CCDC178: variants seen among roughly 807,000 people sequenced by gnomAD.
CCDC178 encodes the protein coiled-coil domain-containing protein 178.
CCDC178 carries 126 observed loss-of-function variants against 117.4 expected under a neutral mutation model. The observed-to-expected ratio is 1.07, with a 90% CI of 0.93 to 1.24. The LOEUF (loss-of-function observed/expected upper bound fraction) is 1.24, where lower values mean the gene tolerates loss of function less well. Among genes scored for constraint, CCDC178 ranks in the 50% most tolerant of loss-of-function variants. The pLI, the probability that CCDC178 is intolerant of heterozygous loss-of-function variation, is 0.00. For synonymous variants in CCDC178, 283 were observed against 313.4 expected (o/e 0.90, Z 1.02); for missense variants, 1,030 against 986.9 (o/e 1.04, Z -0.59).
chr18:32,939,215 T>C (rs905970690), intron 22 of CCDC178, among the ~76,000 whole-genome samples: 5 of 152,230 alleles, frequency 3.3e-5, no homozygotes, highest in African/African-American at 1.2e-4. Context: ...CCAACTGAAA[T>C]ATTTGATATG....
At chr18:33,222,758 T>C (rs2059251963) in intron 18 of CCDC178, among the ~76,000 whole-genome samples, 1 of 152,242 alleles carries the variant, frequency 6.6e-6, no homozygotes, top group Non-Finnish European at 1.5e-5. Flanking sequence ...TCTTTTCTTC[T>C]TCTTCATTTT....
At chr18:33,036,305 T>G (rs1300761484) in intron 21 of CCDC178, among the ~76,000 whole-genome samples, 12 of 151,844 alleles carry the variant, frequency 7.9e-5, no homozygotes, top group Admixed American at 7.9e-4. Context: ...AATCTATTTA[T>G]TATATATTTA....
chr18:33,268,819 G>T (rs1036648142), intron 12 of CCDC178, among the ~76,000 whole-genome samples: 1 of 151,740 alleles, frequency 6.6e-6, no homozygotes. Flanking sequence ...ATAAAAAAAT[G>T]TCAAATCAGC....
chr18:33,388,723 T>C (rs1166721228), intron 5 of CCDC178, among the ~76,000 whole-genome samples: 1 of 150,610 alleles, frequency 6.6e-6, no homozygotes, highest in Non-Finnish European at 1.5e-5. Flanking sequence ...GTTTCACCGT[T>C]TTAGCCGGGA....
At chr18:33,411,599 G>A (rs903466378) in intron 3 of CCDC178, among the ~76,000 whole-genome samples, 1 of 152,054 alleles carries the variant, frequency 6.6e-6, no homozygotes, top group Admixed American at 6.6e-5. Flanking sequence ...AATTATATTA[G>A]TATTTTCATT....
chr18:33,249,998 G>A (rs2059600358), intron 14 of CCDC178, among the ~76,000 whole-genome samples: 1 of 151,850 alleles, frequency 6.6e-6, no homozygotes, highest in South Asian at 2.1e-4. Flanking sequence ...CTTGTAAGTT[G>A]GATTCCTAGG....
chr18:33,390,095 TAA>T lies in CCDC178; in HGVS notation c.119-468_119-467del, dbSNP rs1172925779. Among the ~76,000 whole-genome samples, 7 of 150,120 alleles carry T rather than the reference TAA, an allele frequency of 4.7e-5. No individual in the cohort carries two copies. The East Asian group carries it at 9.7e-4, about 21-fold the overall frequency. ...TTTATTTCTAATTATAAATCCTATATAAGTTATGTATGATTTATAATTATAAA... is the reference window on the plus strand; with the variant it reads ...TTTATTTCTAATTATAAATCCTATATGTTATGTATGATTTATAATTATAAA... On this transcript the variant is annotated intron_variant, in intron 4 of 22. Transcript: ENST00000383096.
chr18:33,047,854 C>T (rs2056673945), intron 21 of CCDC178, among the ~76,000 whole-genome samples: 1 of 152,064 alleles, frequency 6.6e-6, no homozygotes. Flanking sequence ...CATCAATTTG[C>T]TTTTTGTGGA....
intron 15 of CCDC178, among the ~76,000 whole-genome samples, chr18:33,237,944 C>G (rs1403066311): frequency 1.5e-4 from 23 of 152,170 alleles, no homozygotes; most frequent in Admixed American, 1.4e-3. Flanking sequence ...ACATGTGTCC[C>G]TGATCTGAGA....
chr18:33,010,805 A>G (rs2055847707), intron 21 of CCDC178, among the ~76,000 whole-genome samples: 2 of 152,234 alleles, frequency 1.3e-5, no homozygotes, highest in East Asian at 3.8e-4. Flanking sequence ...GCCTCAATAA[A>G]GTAATATTAA....
At chr18:33,250,168 A>T (rs1054696967) in intron 14 of CCDC178, among the ~76,000 whole-genome samples, 4 of 151,838 alleles carry the variant, frequency 2.6e-5, no homozygotes, top group African/African-American at 9.7e-5. Context: ...AATGTCAACA[A>T]ATATATGTAT....
intron 20 of CCDC178, among the ~76,000 whole-genome samples, chr18:33,103,804 C>G (rs891451357): frequency 6.6e-6 from 1 of 151,614 alleles, no homozygotes; most frequent in Non-Finnish European, 1.5e-5. Flanking sequence ...TTGGGGGGCT[C>G]AGAATTAATT....
chr18:33,174,853 T>C (rs1413612539), intron 20 of CCDC178, among the ~76,000 whole-genome samples: 3 of 151,918 alleles, frequency 2.0e-5, no homozygotes, highest in African/African-American at 7.3e-5. Context: ...CTGTTTCATA[T>C]TAGTATTATT....
At chr18:33,216,650 AT>A (rs2059169438) in intron 18 of CCDC178, among the ~76,000 whole-genome samples, 1 of 152,044 alleles carries the variant, frequency 6.6e-6, no homozygotes, top group Non-Finnish European at 1.5e-5. Context: ...AATATTTTAT[AT>A]TTGTTTTACT....
At chr18:33,208,129 T>C (rs1382345710) in intron 20 of CCDC178, among the ~76,000 whole-genome samples, 3 of 152,106 alleles carry the variant, frequency 2.0e-5, no homozygotes, top group African/African-American at 7.2e-5. Context: ...TTTATATAAT[T>C]GTGTGTGATT....
intron 21 of CCDC178, among the ~76,000 whole-genome samples, chr18:33,044,519 AC>A (rs201199923): frequency 2.1e-3 from 315 of 151,962 alleles, no homozygotes; most frequent in African/African-American, 7.3e-3. Flanking sequence ...AAACAAACAA[AC>A]AAAAAAAACA....
intron 11 of CCDC178, among the ~76,000 whole-genome samples, chr18:33,320,387 C>A (rs889453477): frequency 1.2e-4 from 18 of 152,304 alleles, no homozygotes; most frequent in Middle Eastern, 3.4e-3. Flanking sequence ...TAAGCAACTT[C>A]AGCAAAGTCT....
chr18:33,430,968 G>A (rs1287899939), intron 2 of CCDC178, among the ~76,000 whole-genome samples: 13 of 151,682 alleles, frequency 8.6e-5, no homozygotes, highest in South Asian at 2.1e-4. Flanking sequence ...CCAGCTACTC[G>A]GGAGGCTGAG....
intron 12 of CCDC178, among the ~76,000 whole-genome samples, chr18:33,287,467 C>G (rs1035117699): frequency 1.2e-4 from 18 of 152,004 alleles, no homozygotes; most frequent in African/African-American, 4.3e-4. Flanking sequence ...TAAATATATA[C>G]CCAATTTCTC....
Sources: gnomAD v4.1 joint callset for allele counts (sites outside exome capture counted in the v4.1 genomes callset) on GRCh38, gnomAD v4.1.1 for gene constraint, MANE v1.5 for transcripts, NCBI Gene and HGNC (gene_info 2026-07-23, HGNC 2026-07-21) for gene names.